The following C4orf36 variants were observed in gnomAD, a reference collection of about 807,000 sequenced individuals.
C4orf36 encodes uncharacterized protein C4orf36.
C4orf36 carries 11 observed loss-of-function variants against 12.2 expected under a neutral mutation model. The ratio of observed to expected loss-of-function variants is 0.90; its 90% confidence interval spans 0.57 to 1.49. The LOEUF is 1.49. C4orf36 is among the 40% of genes most tolerant of loss of function. The pLI is 0.00. For missense variants in C4orf36, 137 were observed against 133.9 expected (o/e 1.02, Z -0.11); for synonymous variants, 54 against 51.3 (o/e 1.05, Z -0.22).
chr4:86,888,825 CTCA>C (rs1329508990), intron 2 of C4orf36, among the ~76,000 whole-genome samples: 2 of 152,144 alleles, frequency 1.3e-5, no homozygotes, highest in Admixed American at 6.5e-5. Flanking sequence ...TGAGTTCAGC[CTCA>C]TATGCATGAA....
the C4orf36 span, among the ~76,000 whole-genome samples, chr4:86,904,450 C>T: frequency 3.3e-5 from 5 of 152,222 alleles, no homozygotes; most frequent in South Asian, 1.0e-3. Context: ...GCTGGTAACA[C>T]GTTGTCACCT....
chr4:86,932,069 G>A, the C4orf36 span, among the ~76,000 whole-genome samples: 125 of 139,054 alleles, frequency 9.0e-4, 5 homozygotes, highest in South Asian at 0.028. Flanking sequence ...GATTTATTCC[G>A]GGCGTGGTGG....
chr4:86,892,872 T>C (rs918640384), upstream of C4orf36, among the ~76,000 whole-genome samples: 1 of 152,178 alleles, frequency 6.6e-6, no homozygotes, highest in African/African-American at 2.4e-5. Context: ...ATTTCTTCAT[T>C]TGAATACATC....
the C4orf36 span, among the ~76,000 whole-genome samples, chr4:86,921,121 C>T: frequency 1.3e-5 from 2 of 150,478 alleles, no homozygotes; most frequent in Non-Finnish European, 2.9e-5. Context: ...GCCGAGATCA[C>T]ACCATTGCAC....
chr4:86,913,287 A>C, the C4orf36 span: 1 of 664,432 alleles, frequency 1.5e-6, no homozygotes, highest in Non-Finnish European at 2.8e-6. Flanking sequence ...AAGACTCGAG[A>C]GTCTTGAAAT....
chr4:86,919,329 T>C, the C4orf36 span, among the ~76,000 whole-genome samples: 2 of 138,348 alleles, frequency 1.4e-5, no homozygotes, highest in East Asian at 4.2e-4. Flanking sequence ...TTTTTTTTTT[T>C]TTTTTTTTTT....
chr4:86,889,661 T>C (rs939831376), intron 2 of C4orf36, among the ~76,000 whole-genome samples: 1 of 151,802 alleles, frequency 6.6e-6, no homozygotes, highest in Non-Finnish European at 1.5e-5. Flanking sequence ...CACAGCACTT[T>C]GGGAGGCAGA....
At chr4:86,904,346 G>C in the C4orf36 span, among the ~76,000 whole-genome samples, 1 of 152,252 alleles carries the variant, frequency 6.6e-6, no homozygotes, top group South Asian at 2.1e-4. Flanking sequence ...CAGCCCCAGA[G>C]AGGGGCCCTC....
the C4orf36 span, among the ~76,000 whole-genome samples, chr4:86,908,621 C>T: frequency 6.6e-6 from 1 of 151,130 alleles, no homozygotes; most frequent in Non-Finnish European, 1.5e-5. Flanking sequence ...TCTCTCTCCC[C>T]CTCCCTCCCC....
the C4orf36 span, among the ~76,000 whole-genome samples, chr4:86,904,320 C>T: frequency 6.6e-6 from 1 of 152,240 alleles, no homozygotes; most frequent in Non-Finnish European, 1.5e-5. Flanking sequence ...CACAGGGAGC[C>T]GGCTCCGGCC....
At chr4:86,915,002 T>G in the C4orf36 span, among the ~76,000 whole-genome samples, 37 of 152,258 alleles carry the variant, frequency 2.4e-4, no homozygotes, top group African/African-American at 8.7e-4. Context: ...CCTCATTATC[T>G]TTGACATATT....
At chr4:86,901,373 A>G in the C4orf36 span, among the ~76,000 whole-genome samples, 1,037 of 151,716 alleles carry the variant, frequency 6.8e-3, 15 homozygotes, top group African/African-American at 0.023. Flanking sequence ...TCTCTCACTC[A>G]CACTCACACA....
chr4:86,891,380 G>C, intron 2 of C4orf36, 76 bp downstream of exon 2: 1 of 1,360,302 alleles, frequency 7.4e-7, no homozygotes, highest in Non-Finnish European at 1.0e-6. Context: ...AGAGTGTCCA[G>C]TCCTTTTATT....
intron 4 of C4orf36, among the ~76,000 whole-genome samples, chr4:86,878,325 G>T (rs916708940): frequency 1.3e-5 from 2 of 152,166 alleles, no homozygotes; most frequent in African/African-American, 4.8e-5. Context: ...ATATTGGAAT[G>T]CATAGGTTTG....
the C4orf36 span, among the ~76,000 whole-genome samples, chr4:86,924,043 C>T: frequency 6.6e-6 from 1 of 152,084 alleles, no homozygotes; most frequent in African/African-American, 2.4e-5. Flanking sequence ...ATTGCTCCCT[C>T]TCTCTTTTTT....
the C4orf36 span, among the ~76,000 whole-genome samples, chr4:86,911,105 T>G: frequency 6.6e-6 from 1 of 151,816 alleles, no homozygotes; most frequent in Non-Finnish European, 1.5e-5. Flanking sequence ...AAAAAAAGTT[T>G]TGCATGAAAT....
the C4orf36 span, among the ~76,000 whole-genome samples, chr4:86,908,188 C>T: frequency 8.0e-5 from 12 of 149,540 alleles, no homozygotes; most frequent in African/African-American, 2.9e-4. Flanking sequence ...CACACACACA[C>T]ACACACACAC....
At chr4:86,908,229 T>G in the C4orf36 span, among the ~76,000 whole-genome samples, 2 of 150,120 alleles carry the variant, frequency 1.3e-5, no homozygotes, top group Non-Finnish European at 1.5e-5. Flanking sequence ...GTTGCTGGTG[T>G]TTGGATGAGC....
chr4:86,881,302 T>A (rs893189187), intron 4 of C4orf36, among the ~76,000 whole-genome samples: 2 of 152,350 alleles, frequency 1.3e-5, no homozygotes, highest in East Asian at 3.9e-4. Context: ...TTAATTAAAT[T>A]GTTATAACCT....
Sources: allele counts gnomAD v4.1 joint callset (sites outside exome capture counted in the v4.1 genomes callset), GRCh38; gene constraint gnomAD v4.1.1; transcripts MANE v1.5; gene names NCBI Gene and HGNC (gene_info 2026-07-23, HGNC 2026-07-21).